The following KCNK9 variants were observed in gnomAD, a reference collection of about 807,000 sequenced individuals.
KCNK9 encodes the protein potassium channel subfamily K member 9.
Under a neutral mutation model 10.8 loss-of-function variants are expected in KCNK9, and 1 was observed. The observed-to-expected ratio is 0.09, with a 90% CI of 0.03 to 0.44. The LOEUF is 0.44. Ranked by LOEUF, KCNK9 falls within the 20% of genes least tolerant of loss-of-function variation. KCNK9 has a pLI of 0.97. For missense variants in KCNK9, 303 were observed against 515.0 expected (o/e 0.59, Z 3.98); for synonymous variants, 231 against 222.7 (o/e 1.04, Z -0.33).
chr8:139,618,483 G>T lies in KCNK9; in HGVS notation c.900C>A (p.Thr300=), dbSNP rs1455162694. The T allele has an allele frequency of 9.3e-6, 15 of 1,613,782 alleles. No homozygotes were observed. Among genetic ancestry groups the T allele is most frequent in the Middle Eastern group, 1.6e-4 (1 of 6,084 alleles). ...CGCCATAGTCCTGCGAGCGGTAGCA[G>T]GTGCAGGAGCACACAGACTGCAGGT... ...VPDLQSVCSC[T]CYRSQDYGGR... is the part of the protein sequence containing the mutation. Residue 300 remains threonine, a synonymous_variant, in exon 2 of 2, where the codon ACC becomes ACA. Coordinates refer to ENST00000520439, the MANE Select transcript of KCNK9 (RefSeq NM_001282534.2). This position sits in a 1 kb window ranked among gnomAD's most constrained non-coding sequence, Gnocchi z 7.9.
At chr8:139,661,567 G>A (rs578224975) in intron 1 of KCNK9, among the ~76,000 whole-genome samples, 112 of 152,312 alleles carry the variant, frequency 7.4e-4, no homozygotes, top group African/African-American at 2.6e-3. Flanking sequence ...GCTTCCCAGT[G>A]ATAAGAATCA....
chr8:139,636,709 T>C (rs1267323194), intron 1 of KCNK9, among the ~76,000 whole-genome samples: 1 of 152,172 alleles, frequency 6.6e-6, no homozygotes, highest in East Asian at 1.9e-4. Flanking sequence ...TTAGCTGAAG[T>C]CTTGTAACAA....
At chr8:139,630,745 C>T (rs1386792790) in intron 1 of KCNK9, among the ~76,000 whole-genome samples, 2 of 152,204 alleles carry the variant, frequency 1.3e-5, no homozygotes, top group Admixed American at 6.5e-5. Flanking sequence ...CACTGCACAT[C>T]GTGTGTCCTG....
chr8:139,662,876 G>T (rs936691768), intron 1 of KCNK9, among the ~76,000 whole-genome samples: 8 of 150,302 alleles, frequency 5.3e-5, no homozygotes, highest in Admixed American at 6.6e-5. Context: ...TGGGGGAAGG[G>T]GGGGGGGCTG....
intron 1 of KCNK9, among the ~76,000 whole-genome samples, chr8:139,627,903 A>C (rs1377160522): frequency 3.3e-5 from 5 of 152,346 alleles, no homozygotes; most frequent in Admixed American, 3.3e-4. Context: ...CCTCTCAAAG[A>C]GCAGCTGCTC....
downstream of KCNK9, among the ~76,000 whole-genome samples, chr8:139,610,644 TA>T (rs1411459529): frequency 2.6e-5 from 4 of 152,230 alleles, no homozygotes; most frequent in Admixed American, 1.3e-4. Context: ...CTCCAGGATC[TA>T]TTTTTAGAAT....
intron 1 of KCNK9, among the ~76,000 whole-genome samples, chr8:139,689,643 ATTTTTTTTT>A (rs35831003): frequency 7.5e-6 from 1 of 134,128 alleles, no homozygotes; most frequent in Non-Finnish European, 1.6e-5. Context: ...CTTTGCCATC[ATTTTTTTTT>A]TTTTTTTTGA....
At chr8:139,699,056 A>C (rs887611721) in intron 1 of KCNK9, among the ~76,000 whole-genome samples, 11 of 152,192 alleles carry the variant, frequency 7.2e-5, no homozygotes, top group Non-Finnish European at 1.0e-4. Flanking sequence ...CTGTAGCAAG[A>C]AAAGGAAAAA....
chr8:139,655,753 C>T (rs1045056957), intron 1 of KCNK9, among the ~76,000 whole-genome samples: 1 of 152,208 alleles, frequency 6.6e-6, no homozygotes, highest in African/African-American at 2.4e-5. Flanking sequence ...CACTCAGGGG[C>T]TCTGCCAATC....
chr8:139,697,251 G>A (rs1817082944), intron 1 of KCNK9, among the ~76,000 whole-genome samples: 1 of 150,530 alleles, frequency 6.6e-6, no homozygotes, highest in Admixed American at 6.6e-5. Flanking sequence ...GGGTAGATGG[G>A]TGAATGGTGG....
At chr8:139,679,378 G>C (rs1816633747) in intron 1 of KCNK9, among the ~76,000 whole-genome samples, 1 of 152,260 alleles carries the variant, frequency 6.6e-6, no homozygotes, top group Non-Finnish European at 1.5e-5. Context: ...CACAGGCCCA[G>C]GTCTGCGATG....
chr8:139,665,445 T>C (rs1476595569), intron 1 of KCNK9, among the ~76,000 whole-genome samples: 1 of 152,208 alleles, frequency 6.6e-6, no homozygotes, highest in Admixed American at 6.5e-5. Flanking sequence ...AACCTCGCCC[T>C]TTCTTAAGCT....
At position 139,696,615 on chromosome 8, in the gene KCNK9, C is replaced by A. The variant is rs547517962; in HGVS notation, c.283+6095G>T. On this transcript the variant is annotated intron_variant, in intron 1 of 1. Coordinates refer to ENST00000520439, the MANE Select transcript of KCNK9 (RefSeq NM_001282534.2). ...GTCCAATAAGCAAGTGAGTTGAGGA[C>A]CCACTGAGTACACAGAGGAGGGAGG... Among the ~76,000 whole-genome samples the A allele has an allele frequency of 5.3e-5, 8 of 151,948 alleles. No individual in the cohort carries two copies. In the South Asian group the frequency reaches 8.3e-4, roughly 16 times the overall value.
chr8:139,655,199 G>A (rs529411512), intron 1 of KCNK9, among the ~76,000 whole-genome samples: 57 of 152,216 alleles, frequency 3.7e-4, no homozygotes, highest in Admixed American at 1.8e-3. Context: ...CTGTGGCCTC[G>A]GGTTGTCAAG....
At chr8:139,695,811 T>C (rs1586698720) in intron 1 of KCNK9, among the ~76,000 whole-genome samples, 1 of 152,288 alleles carries the variant, frequency 6.6e-6, no homozygotes. Flanking sequence ...GAACAAGCAT[T>C]GCATCTCTTT....
chr8:139,626,854 G>A (rs1340853102), intron 1 of KCNK9, among the ~76,000 whole-genome samples: 1 of 152,234 alleles, frequency 6.6e-6, no homozygotes. Context: ...GCTTGGAGGA[G>A]GAGCAGGCTG....
chr8:139,691,990 C>T (rs375995905), intron 1 of KCNK9, among the ~76,000 whole-genome samples: 2 of 152,182 alleles, frequency 1.3e-5, no homozygotes, highest in Non-Finnish European at 2.9e-5. Flanking sequence ...GAAGCAGGCT[C>T]AGCTGGCACA....
downstream of KCNK9, chr8:139,616,540 G>A (rs1013909977): frequency 3.3e-5 from 5 of 152,212 alleles, no homozygotes; most frequent in African/African-American, 1.2e-4. Flanking sequence ...GAATGCTCCA[G>A]TGTTTCAGCC....
intron 1 of KCNK9, among the ~76,000 whole-genome samples, chr8:139,677,521 C>A (rs1034041497): frequency 7.9e-5 from 12 of 151,240 alleles, no homozygotes; most frequent in African/African-American, 2.7e-4. Context: ...CCTCTAAATG[C>A]CAAGCATTTG....
Sources: gnomAD v4.1 joint callset for allele counts (sites outside exome capture counted in the v4.1 genomes callset) on GRCh38, gnomAD v4.1.1 for gene constraint, Gnocchi (gnomAD v3.1) non-coding constraint, MANE v1.5 for transcripts, NCBI Gene and HGNC (gene_info 2026-07-23, HGNC 2026-07-21) for gene names.